SLC9A2: variants seen among roughly 807,000 people sequenced by gnomAD.
The protein encoded by SLC9A2 is solute carrier family 9 member A2, also known as sodium/hydrogen exchanger 2.
SLC9A2 carries 42 observed loss-of-function variants against 71.7 expected under a neutral mutation model. The observed-to-expected ratio is 0.59, with a 90% CI of 0.46 to 0.76. The LOEUF is 0.76. Among genes scored for constraint, SLC9A2 ranks in the 30% least tolerant of loss-of-function variants. The probability of loss-of-function intolerance (pLI) is 0.00; values close to 1 mark genes in which losing one functional copy is unlikely to be tolerated. For synonymous variants in SLC9A2, 396 were observed against 392.5 expected, an observed-to-expected ratio of 1.01 and a Z score of -0.10; for missense variants, 829 against 1,017.4, an observed-to-expected ratio of 0.81 and a Z score of 2.52.
rs1275264041 is a variant in SLC9A2, at chr2:102,708,523, C to T, written c.*34C>T. ...GCGAAAGCAGATCTGAGTGTCTGAC[C>T]CAGGACAGCTGTGGTTTGTCACTCT... On this transcript the variant is annotated 3_prime_UTR_variant, in exon 12 of 12. Transcript: ENST00000233969. The T allele has an allele frequency of 6.3e-7, 1 of 1,589,584 alleles. No homozygotes were observed. The highest frequency in any genetic ancestry group is 1.7e-5 in the Admixed American group (1 of 57,396).
chr2:102,657,456 T>A, intron 1 of SLC9A2, 108 bp from the exon 2 acceptor site: 1 of 679,212 alleles, frequency 1.5e-6, no homozygotes, highest in South Asian at 2.0e-5. Context: ...GATACTGACT[T>A]GGGAGATGGT....
At chr2:102,669,106 C>G (rs1319748563) in intron 3 of SLC9A2, among the ~76,000 whole-genome samples, 2 of 152,160 alleles carry the variant, frequency 1.3e-5, no homozygotes, top group Non-Finnish European at 2.9e-5. Context: ...TTCATAAAGT[C>G]TACTGTTGCT....
At chr2:102,653,560 A>G (rs1676875564) in intron 1 of SLC9A2, among the ~76,000 whole-genome samples, 1 of 152,174 alleles carries the variant, frequency 6.6e-6, no homozygotes, top group Non-Finnish European at 1.5e-5. Flanking sequence ...TGAGCATGGC[A>G]GGTGCATTGG....
intron 1 of SLC9A2, among the ~76,000 whole-genome samples, chr2:102,649,003 CA>C (rs1296928999): frequency 6.6e-5 from 10 of 151,910 alleles, no homozygotes; most frequent in Admixed American, 6.5e-4. Context: ...CATATGGAAA[CA>C]AAAAAAGACA....
In SLC9A2 at chr2:102,710,570, T is replaced by C. The variant is rs1678086508; in HGVS notation, c.*2081T>C. The C allele has an allele frequency of 2.6e-5, 4 of 152,276 alleles. No homozygotes were observed. Among genetic ancestry groups the C allele is most frequent in the Admixed American group, 2.6e-4 (4 of 15,278 alleles). The allele number at this position is 152,276 out of a possible 1,614,324, so 9.4% of individuals were successfully genotyped here. A position where few individuals can be genotyped will look rare whatever the true frequency, so the allele number is the denominator to read the frequency against. Reference sequence around the variant, plus strand: ...CATCCATACAGAATTTGGATGACTATGTATAAAGGAAAACTTAAATCTTAA... The same window carrying C: ...CATCCATACAGAATTTGGATGACTACGTATAAAGGAAAACTTAAATCTTAA... On this transcript the variant is annotated 3_prime_UTR_variant, in exon 12 of 12. Transcript: ENST00000233969.
intron 1 of SLC9A2, among the ~76,000 whole-genome samples, chr2:102,625,562 C>T (rs997108009): frequency 1.3e-5 from 2 of 150,486 alleles, no homozygotes; most frequent in African/African-American, 4.9e-5. Context: ...TGAGTGAGAA[C>T]ATGAGGTGTT....
chr2:102,651,643 C>A (rs1428472483), intron 1 of SLC9A2, among the ~76,000 whole-genome samples: 2 of 152,196 alleles, frequency 1.3e-5, no homozygotes, highest in African/African-American at 4.8e-5. Context: ...CTTTTGTCTG[C>A]AGTGCTCATC....
At chr2:102,642,662 G>C (rs1313847573) in intron 1 of SLC9A2, among the ~76,000 whole-genome samples, 1 of 151,994 alleles carries the variant, frequency 6.6e-6, no homozygotes, top group Non-Finnish European at 1.5e-5. Flanking sequence ...TATCTGTCAG[G>C]GCAATATTAG....
intron 10 of SLC9A2, among the ~76,000 whole-genome samples, chr2:102,705,260 G>A (rs1488523460): frequency 1.3e-4 from 20 of 151,998 alleles, no homozygotes; most frequent in Admixed American, 1.3e-3. Flanking sequence ...AGCAAGAATT[G>A]AGGCTTATTT....
chr2:102,644,147 G>A (rs1402890294), intron 1 of SLC9A2, among the ~76,000 whole-genome samples: 1 of 151,908 alleles, frequency 6.6e-6, no homozygotes. Flanking sequence ...ATCTCATTGG[G>A]ACTGGTTAGA....
intron 2 of SLC9A2, among the ~76,000 whole-genome samples, chr2:102,658,798 T>C (rs1466620143): frequency 6.6e-6 from 1 of 152,072 alleles, no homozygotes; most frequent in African/African-American, 2.4e-5. Flanking sequence ...GCCTCTCCTT[T>C]TACCCACATA....
chr2:102,658,076 C>A (rs1023961370), intron 2 of SLC9A2, 49 bp downstream of exon 2: 1 of 1,436,216 alleles, frequency 7.0e-7, no homozygotes, highest in Non-Finnish European at 9.5e-7. Context: ...GGCTGCCCAG[C>A]CACCTGCAGT....
intron 1 of SLC9A2, among the ~76,000 whole-genome samples, chr2:102,651,769 A>T (rs1676839572): frequency 6.6e-6 from 1 of 152,222 alleles, no homozygotes; most frequent in African/African-American, 2.4e-5. Flanking sequence ...CCAGCACCTG[A>T]GGTCTCAATA....
Position 102,708,330 on chromosome 2 carries a change from A to G in SLC9A2, c.2280A>G (p.Ser760=). 1.9e-6 allele frequency: 3 copies of G among 1,614,216 alleles called. No individual in the cohort carries two copies. Among genetic ancestry groups the G allele is most frequent in the Non-Finnish European group, 1.7e-6 (2 of 1,180,042 alleles). ...GCAGAGAAAAGGGCACCCAGACGTCAGGCTTACTACAGCAGCCCCTTCTCT... is the reference window on the plus strand; with the variant it reads ...GCAGAGAAAAGGGCACCCAGACGTCGGGCTTACTACAGCAGCCCCTTCTCT... ...PHSREKGTQT[S]GLLQQPLLSK... The change falls in exon 12 of 12, where the codon TCA becomes TCG. Residue 760 remains serine, a synonymous_variant. Transcript: ENST00000233969.
Position 102,673,697 on chromosome 2 carries a change from G to A in SLC9A2, c.1004+8347G>A, listed in dbSNP as rs537711514. On this transcript the variant is annotated intron_variant, in intron 3 of 11. Transcript: ENST00000233969. The stretch of plus-strand genomic sequence containing the variant: ...TTCTGGCCTATATTTCAAGAATATT[G>A]TAGGAAATAACACTACTTTCTGGTA... Among the ~76,000 whole-genome samples, 10 of 152,024 alleles carry A rather than the reference G, an allele frequency of 6.6e-5. No homozygotes were observed. The South Asian group carries it at 1.5e-3, about 22-fold the overall frequency.
chr2:102,654,887 A>G lies in SLC9A2; in HGVS notation c.290-2677A>G, dbSNP rs1573410089. On this transcript the variant is annotated intron_variant, in intron 1 of 11. Coordinates refer to ENST00000233969, the MANE Select transcript of SLC9A2 (RefSeq NM_003048.6). ...ATTTGTAACACAACAACGATTATTTATGTATTTAAACATATCTAGACATAG... is the reference window on the plus strand; with the variant it reads ...ATTTGTAACACAACAACGATTATTTGTGTATTTAAACATATCTAGACATAG... 1.3e-5 allele frequency among the ~76,000 whole-genome samples: 2 copies of G among 152,360 alleles called. 1 individual carries two copies. The highest frequency in any genetic ancestry group is 4.1e-4 in the South Asian group (2 of 4,826).
At chr2:102,687,434 G>A (rs368530010) in intron 5 of SLC9A2, among the ~76,000 whole-genome samples, 1 of 152,154 alleles carries the variant, frequency 6.6e-6, no homozygotes, top group Non-Finnish European at 1.5e-5. Context: ...TATAAATATA[G>A]CAGGAATAAC....
chr2:102,636,823 T>C (rs545167292), intron 1 of SLC9A2, among the ~76,000 whole-genome samples: 1 of 152,272 alleles, frequency 6.6e-6, no homozygotes, highest in African/African-American at 2.4e-5. Flanking sequence ...CCAGCTTAAC[T>C]AAGCTGTGCA....
At position 102,674,595 on chromosome 2, in the gene SLC9A2, G is replaced by A. The variant is rs533969444; in HGVS notation, c.1005-8666G>A. Reference sequence around the variant, plus strand: ...CTTGTGTCCTCACAGTTAATCCCCCGTTATTTGACATAACTTGAGTCACCA... The same window carrying A: ...CTTGTGTCCTCACAGTTAATCCCCCATTATTTGACATAACTTGAGTCACCA... On this transcript the variant is annotated intron_variant, in intron 3 of 11. Coordinates refer to ENST00000233969, the MANE Select transcript of SLC9A2 (RefSeq NM_003048.6). Among the ~76,000 whole-genome samples the A allele has an allele frequency of 1.2e-4, 19 of 152,272 alleles. No homozygotes were observed. In the South Asian group the frequency reaches 3.5e-3, roughly 28 times the overall value.
Sources: allele counts gnomAD v4.1 joint callset (sites outside exome capture counted in the v4.1 genomes callset), GRCh38; gene constraint gnomAD v4.1.1; transcripts MANE v1.5; gene names NCBI Gene and HGNC (gene_info 2026-07-23, HGNC 2026-07-21).